PCDHGA3: variants seen among roughly 807,000 people sequenced by gnomAD.
The protein encoded by PCDHGA3 is protocadherin gamma subfamily A, 3, also known as protocadherin gamma-A3.
Under a neutral mutation model 58.5 loss-of-function variants are expected in PCDHGA3, and 40 were observed. The observed-to-expected ratio is 0.68, with a 90% CI of 0.53 to 0.89. PCDHGA3 has a LOEUF of 0.89. PCDHGA3 is among the 40% of genes least tolerant of loss of function. The probability of loss-of-function intolerance (pLI) is 0.00; values close to 1 mark genes in which losing one functional copy is unlikely to be tolerated. For synonymous variants in PCDHGA3, 530 were observed against 525.7 expected (o/e 1.01, Z -0.11); for missense variants, 1,223 against 1,195.9 (o/e 1.02, Z -0.33).
At position 141,384,652 on chromosome 5, in the gene PCDHGA3, G is replaced by A. The variant is rs372721131; in HGVS notation, c.2424+38195G>A. ...GCTGGCACCCCGCTCCGCAGAGCCC[G>A]GCTACCTGGTGACCAAGGTGGTGGC... On this transcript the variant is annotated intron_variant, in intron 1 of 3. Coordinates refer to ENST00000253812, the MANE Select transcript of PCDHGA3 (RefSeq NM_018916.4). The A allele has an allele frequency of 7.4e-6, 12 of 1,614,110 alleles. No homozygotes were observed. The South Asian group carries it at 1.1e-4, about 15-fold the overall frequency.
chr5:141,488,186 G>T (rs1005725656), intron 1 of PCDHGA3, among the ~76,000 whole-genome samples: 2 of 152,180 alleles, frequency 1.3e-5, no homozygotes, highest in South Asian at 2.1e-4. Context: ...AGATCTTTTG[G>T]TCTGGGTCTT....
chr5:141,478,752 G>A (rs2099475483), intron 1 of PCDHGA3: 2 of 1,521,420 alleles, frequency 1.3e-6, no homozygotes, highest in South Asian at 1.3e-5. Context: ...CATTTCAGGG[G>A]GAAGATACTT....
intron 1 of PCDHGA3, chr5:141,478,511 C>CA: frequency 3.1e-6 from 5 of 1,611,778 alleles, no homozygotes; most frequent in Non-Finnish European, 4.2e-6. Context: ...GTTCTATAGG[C>CA]AGGTGTTGGG....
chr5:141,500,043 T>A (rs1240979831), intron 2 of PCDHGA3, among the ~76,000 whole-genome samples: 1 of 152,048 alleles, frequency 6.6e-6, no homozygotes, highest in East Asian at 1.9e-4. Flanking sequence ...CTCTTAAGTA[T>A]CTTAATGCTC....
chr5:141,430,826 C>T (rs993762069), intron 1 of PCDHGA3: 1 of 1,550,298 alleles, frequency 6.5e-7, no homozygotes, highest in Non-Finnish European at 8.7e-7. Context: ...CCTGGGGACT[C>T]TGTGGGAGAC....
rs188091361 is a variant in PCDHGA3, at chr5:141,375,199, C to T, written c.2424+28742C>T. 47 of 1,613,924 alleles carry T rather than the reference C, an allele frequency of 2.9e-5. No individual in the cohort carries two copies. The South Asian group carries it at 4.7e-4, about 16-fold the overall frequency. ...CAGTAATCGCCCTTTTTCAAGTGTT[C>T]GATCGAGACTCTGGCCTGAATGGCC... On this transcript the variant is annotated intron_variant, in intron 1 of 3. Transcript: ENST00000253812.
At chr5:141,401,533 C>CA (rs902946394) in intron 1 of PCDHGA3, among the ~76,000 whole-genome samples, 5 of 151,672 alleles carry the variant, frequency 3.3e-5, no homozygotes, top group Admixed American at 6.6e-5. Flanking sequence ...AAGAAACTTA[C>CA]AAAAAAAAGG....
chr5:141,388,511 C>G, intron 1 of PCDHGA3: 1 of 1,613,868 alleles, frequency 6.2e-7, no homozygotes, highest in Non-Finnish European at 8.5e-7. Context: ...AATCCTACCA[C>G]TTGACTTTGA....
intron 1 of PCDHGA3, chr5:141,394,156 AC>A (rs2092929687): frequency 6.2e-7 from 1 of 1,613,556 alleles, no homozygotes; most frequent in Admixed American, 1.7e-5. Flanking sequence ...ATTAACGACA[AC>A]CCTCCTACTT....
At position 141,410,845 on chromosome 5, in the gene PCDHGA3, TTGTC is replaced by T. The variant is rs1434874838; in HGVS notation, c.2424+64390_2424+64393del. 23 of 429,726 alleles carry T rather than the reference TTGTC, an allele frequency of 5.4e-5. 1 individual carries two copies. Among genetic ancestry groups the T allele is most frequent in the Admixed American group, 8.8e-5 (2 of 22,654 alleles). The allele number at this position is 429,726 out of a possible 1,614,324, so 26.6% of individuals were successfully genotyped here. A position where few individuals can be genotyped will look rare whatever the true frequency, so the allele number is the denominator to read the frequency against. Reference sequence around the variant, plus strand: ...TCACCAGACTGAAGATATTTTGTCTTTGTCTTTTTTTTTTTTTTTTTTTTTTGAG... The same window carrying T: ...TCACCAGACTGAAGATATTTTGTCTTTTTTTTTTTTTTTTTTTTTTTTGAG... On this transcript the variant is annotated intron_variant, in intron 1 of 3. Transcript: ENST00000253812.
chr5:141,376,378 G>A, intron 1 of PCDHGA3: 5 of 1,614,236 alleles, frequency 3.1e-6, no homozygotes, highest in Non-Finnish European at 4.2e-6. Context: ...ACTCGCGTAA[G>A]AGTCATCTGA....
At chr5:141,503,679 G>A (rs562303239) in intron 2 of PCDHGA3, among the ~76,000 whole-genome samples, 1 of 152,054 alleles carries the variant, frequency 6.6e-6, no homozygotes, top group East Asian at 1.9e-4. Context: ...CCACTTTTGG[G>A]AAGGAGAATT....
chr5:141,448,784 C>CA (rs576464275), intron 1 of PCDHGA3, among the ~76,000 whole-genome samples: 7,532 of 145,718 alleles, frequency 0.052, 302 homozygotes, highest in African/African-American at 0.11. Flanking sequence ...ACTAAAAATA[C>CA]AAAAAAAAAA....
chr5:141,408,670 T>G, intron 1 of PCDHGA3: 1 of 1,614,008 alleles, frequency 6.2e-7, no homozygotes, highest in Non-Finnish European at 8.5e-7. Context: ...CGCTTGACCC[T>G]GCCACGGATC....
chr5:141,389,121 A>T (rs754294132), intron 1 of PCDHGA3: 2 of 1,613,910 alleles, frequency 1.2e-6, no homozygotes, highest in Non-Finnish European at 1.7e-6. Flanking sequence ...CCGCGAGCAG[A>T]ATCCAGAGTA....
chr5:141,477,890 C>A lies in PCDHGA3; in HGVS notation c.2425-16917C>A, dbSNP rs202114426. On this transcript the variant is annotated intron_variant, in intron 1 of 3. Transcript: ENST00000253812. This position sits in a 1 kb window ranked among gnomAD's most constrained non-coding sequence, Gnocchi z 4.9. ...TACCTCAGCTGGCCACCTAGTGTCA[C>A]GGGTGGTAGGCTGGGACGCGGATGC... is the stretch of plus-strand genomic sequence containing the variant. 3.1e-6 allele frequency: 5 copies of A among 1,614,204 alleles called. 1 individual carries two copies. In the Admixed American group the frequency reaches 8.3e-5, roughly 27 times the overall value.
intron 3 of PCDHGA3, among the ~76,000 whole-genome samples, chr5:141,508,738 A>C (rs1596171196): frequency 7.1e-5 from 10 of 141,304 alleles, no homozygotes; most frequent in Admixed American, 1.4e-4. Context: ...TACACCCCCC[A>C]CCCCGCTCTT....
chr5:141,481,030 C>A (rs1277171839), intron 1 of PCDHGA3, among the ~76,000 whole-genome samples: 1 of 152,024 alleles, frequency 6.6e-6, no homozygotes, highest in African/African-American at 2.4e-5. Context: ...TGCACTCCAG[C>A]CTGGGCGACA....
At chr5:141,365,067 A>G in intron 1 of PCDHGA3, 1 of 1,613,826 alleles carries the variant, frequency 6.2e-7, no homozygotes, top group Non-Finnish European at 8.5e-7. Context: ...ACCCCATCCG[A>G]GTACAGCGTG....
Sources: gnomAD v4.1 joint callset for allele counts (sites outside exome capture counted in the v4.1 genomes callset) on GRCh38, gnomAD v4.1.1 for gene constraint, Gnocchi (gnomAD v3.1) non-coding constraint, MANE v1.5 for transcripts, NCBI Gene and HGNC (gene_info 2026-07-23, HGNC 2026-07-21) for gene names.